Variants in RPP30 observed in about 807,000 individuals in gnomAD.
RPP30 encodes ribonuclease P/MRP subunit p30.
In RPP30, 36 loss-of-function variants were observed where a neutral mutation model predicts 38.6. That is an observed-to-expected ratio of 0.93 (90% CI 0.71 to 1.23). The LOEUF (loss-of-function observed/expected upper bound fraction) is 1.23, where lower values mean the gene tolerates loss of function less well. Among genes scored for constraint, RPP30 ranks in the 50% most tolerant of loss-of-function variants. RPP30 has a pLI of 0.00. For synonymous variants in RPP30, 126 were observed against 112.7 expected (o/e 1.12, Z -0.75); for missense variants, 321 against 321.7 (o/e 1.00, Z 0.02).
At chr10:90,873,942 G>A (rs1343882966) in intron 1 of RPP30, among the ~76,000 whole-genome samples, 2 of 152,102 alleles carry the variant, frequency 1.3e-5, no homozygotes, top group Non-Finnish European at 2.9e-5. Context: ...ACAATGACTT[G>A]CTTAATTGCC....
At chr10:90,875,320 A>G (rs1332219260) in intron 2 of RPP30, among the ~76,000 whole-genome samples, 3 of 152,174 alleles carry the variant, frequency 2.0e-5, no homozygotes, top group African/African-American at 7.2e-5. Context: ...TATCCTGTAG[A>G]TTATTTCAGT....
intron 2 of RPP30, 140 bp downstream of exon 2, chr10:90,875,064 A>C (rs1846833895): frequency 2.0e-6 from 1 of 502,698 alleles, no homozygotes; most frequent in African/African-American, 2.0e-5. Context: ...TTTTATATAG[A>C]AACAGTCGAG....
chr10:90,886,238 G>A (rs934887770), intron 6 of RPP30, among the ~76,000 whole-genome samples: 8 of 151,894 alleles, frequency 5.3e-5, no homozygotes, highest in African/African-American at 1.9e-4. Context: ...AAGAGGAAGG[G>A]AAAAAATAAA....
chr10:90,875,614 G>T lies in RPP30; in HGVS notation c.195G>T (p.Gln65His). 1.9e-6 allele frequency: 3 copies of T among 1,612,114 alleles called. No homozygotes were observed. Among genetic ancestry groups the T allele is most frequent in the Non-Finnish European group, 2.5e-6 (3 of 1,178,382 alleles). ...TCTTCACAACTTTGCCAATTGTACA[G>T]GTAGGTGTTTTGTTGTTTACGAAGC... The part of the protein sequence containing the change: ...SELFTTLPIV[Q>H]GKSRPIKILT... The change falls in exon 3 of 11, where the codon CAG becomes CAT. Residue 65 changes from glutamine (Q) to histidine (H), a missense_variant and splice_region_variant. Transcript: ENST00000371703.
At chr10:90,907,534 ATAGT>A (rs367752216), downstream of RPP30, among the ~76,000 whole-genome samples, 3 of 152,356 alleles carry the variant, frequency 2.0e-5, no homozygotes, top group African/African-American at 4.8e-5. Context: ...ACTCTCCCAG[ATAGT>A]TAGAGGCATA....
intron 5 of RPP30, among the ~76,000 whole-genome samples, chr10:90,879,870 G>A (rs974452582): frequency 1.3e-5 from 2 of 152,156 alleles, no homozygotes; most frequent in African/African-American, 4.8e-5. Flanking sequence ...CTTTTAGAAA[G>A]TTCAAAAGTT....
intron 10 of RPP30, 141 bp downstream of exon 10, chr10:90,896,533 G>A (rs1847141152): frequency 1.6e-6 from 1 of 606,424 alleles, no homozygotes; most frequent in Non-Finnish European, 2.9e-6. Flanking sequence ...ACAGTCATCA[G>A]TGTTTTCTCA....
At position 90,881,002 on chromosome 10, in the gene RPP30, C is replaced by A. The variant is rs559260530; in HGVS notation, c.342+1868C>A. Among the ~76,000 whole-genome samples, 7 of 152,144 alleles carry A rather than the reference C, an allele frequency of 4.6e-5. No homozygotes were observed. The South Asian group carries it at 1.2e-3, about 27-fold the overall frequency. On this transcript the variant is annotated intron_variant, in intron 5 of 10. Coordinates refer to ENST00000371703, the MANE Select transcript of RPP30 (RefSeq NM_006413.5). The stretch of plus-strand genomic sequence containing the variant: ...GGCATTTCCAAGTTTGTTACAAAAC[C>A]AACAGCAACTTAGTTTGCTTATTAA...
chr10:90,902,111 T>C lies in RPP30; in HGVS notation c.*1432T>C. ...TGCGCCCGGCCCGAGAAAATACAGT[T>C]TTAAAAAGAGAAAGCTTTATAACCT... is the stretch of plus-strand genomic sequence containing the variant. On this transcript the variant is annotated 3_prime_UTR_variant, in exon 11 of 11. Coordinates refer to ENST00000371703, the MANE Select transcript of RPP30 (RefSeq NM_006413.5). The C allele has an allele frequency of 1.0e-6, 1 of 990,098 alleles. No individual in the cohort carries two copies. Among genetic ancestry groups the C allele is most frequent in the South Asian group, 4.4e-5 (1 of 22,570 alleles). 61.3% of individuals were successfully genotyped at this position (990,098 alleles called of 1,614,324 possible).
At chr10:90,892,828 A>G (rs749011828) in intron 6 of RPP30, among the ~76,000 whole-genome samples, 1 of 152,216 alleles carries the variant, frequency 6.6e-6, no homozygotes, top group Non-Finnish European at 1.5e-5. Flanking sequence ...GGTTCCTTTG[A>G]TGATGGATCA....
intron 5 of RPP30, among the ~76,000 whole-genome samples, chr10:90,883,289 CA>C (rs35852982): frequency 0.14 from 17,020 of 119,258 alleles, 1,168 homozygotes; most frequent in African/African-American, 0.3. Flanking sequence ...AGTCTCTGGC[CA>C]AAAAAAAAAA....
downstream of RPP30, among the ~76,000 whole-genome samples, chr10:90,907,997 C>T (rs1253465652): frequency 1.3e-5 from 2 of 152,186 alleles, no homozygotes; most frequent in Non-Finnish European, 2.9e-5. Flanking sequence ...CAGCCTATTG[C>T]TCTTAGGCTT....
Position 90,876,041 on chromosome 10 carries a change from T to C in RPP30, c.213T>C (p.Ile71=). The part of the protein sequence containing the change: ...LPIVQGKSRP[I]KILTRLTIIV... ...TTAAATAGGGAAAATCAAGACCAAT[T>C]AAAATTTTAACTAGATTAACAATTA... Residue 71 remains isoleucine, a synonymous_variant, in exon 4 of 11, where the codon ATT becomes ATC. Transcript: ENST00000371703. 6.4e-7 allele frequency: 1 copy of C among 1,559,070 alleles called. No homozygotes were observed. The highest frequency in any genetic ancestry group is 1.1e-5 in the South Asian group (1 of 89,572).
Position 90,872,019 on chromosome 10 carries a change from G to C in RPP30, c.33G>C (p.Ala11=), listed in dbSNP as rs766801000. Residue 11 remains alanine, a synonymous_variant, in exon 1 of 11, where the codon GCG becomes GCC. Transcript: ENST00000371703. The part of the protein sequence containing the change: MAVFADLDLR[A]GSDLKALRGL... ...TGTTTGCAGATTTGGACCTGCGAGC[G>C]GGTTCTGACCTGAAGGCTCTGCGCG... 10 of 1,614,160 alleles carry C rather than the reference G, an allele frequency of 6.2e-6. No individual in the cohort carries two copies. The highest frequency in any genetic ancestry group is 5.1e-6 in the Non-Finnish European group (6 of 1,180,006).
chr10:90,874,839 T>G (rs1209565717), intron 1 of RPP30, 30 bp from the exon 2 acceptor site: 17 of 1,539,912 alleles, frequency 1.1e-5, no homozygotes, highest in Non-Finnish European at 1.5e-5. Flanking sequence ...TTGTTATATT[T>G]AACAAAAGTG....
At chr10:90,895,772 T>C in intron 8 of RPP30, 108 bp from the exon 9 acceptor site, 2 of 801,268 alleles carry the variant, frequency 2.5e-6, no homozygotes, top group South Asian at 3.9e-5. Context: ...CTTAAATTTA[T>C]GTAATTTTTT....
chr10:90,876,042 A>T lies in RPP30; in HGVS notation c.214A>T (p.Lys72Ter), dbSNP rs749975474. ...TAAATAGGGAAAATCAAGACCAATT[A>T]AAATTTTAACTAGATTAACAATTAT... is the stretch of plus-strand genomic sequence containing the variant. ...PIVQGKSRPI[K>*]ILTRLTIIVS... is the part of the protein sequence containing the mutation. Residue 72 changes from lysine to a stop codon, truncating the protein, a stop_gained, in exon 4 of 11, where the codon AAA becomes TAA. Transcript: ENST00000371703. LOFTEE classifies it high-confidence loss of function. 1 of 1,560,844 alleles carries T rather than the reference A, an allele frequency of 6.4e-7. No homozygotes were observed. The highest frequency in any genetic ancestry group is 2.2e-5 in the East Asian group (1 of 44,622).
At position 90,889,796 on chromosome 10, in the gene RPP30, T is replaced by C. The variant is rs937754674; in HGVS notation, c.432+3895T>C. On this transcript the variant is annotated intron_variant, in intron 6 of 10. Coordinates refer to ENST00000371703, the MANE Select transcript of RPP30 (RefSeq NM_006413.5). ...GTGTACTTTGCAGCTCTTTTCCCTT[T>C]TGTCATCTTCACTGTATGCTTAGGG... 5.9e-5 allele frequency among the ~76,000 whole-genome samples: 9 copies of C among 152,152 alleles called. 1 individual carries two copies. Among genetic ancestry groups the C allele is most frequent in the Admixed American group, 3.3e-4 (5 of 15,276 alleles).
chr10:90,900,946 A>G lies in RPP30; in HGVS notation c.*267A>G. Reference sequence around the variant, plus strand: ...CTCCTTTGTGTAAGTGATAAACAACAGCAAATATACTTGAATAAAATGTTT... The same window carrying G: ...CTCCTTTGTGTAAGTGATAAACAACGGCAAATATACTTGAATAAAATGTTT... On this transcript the variant is annotated 3_prime_UTR_variant, in exon 11 of 11. Coordinates refer to ENST00000371703, the MANE Select transcript of RPP30 (RefSeq NM_006413.5). The G allele has an allele frequency of 8.8e-7, 1 of 1,139,258 alleles. No homozygotes were observed. The allele number at this position is 1,139,258 out of a possible 1,614,324, so 70.6% of individuals were successfully genotyped here. A position where few individuals can be genotyped will look rare whatever the true frequency, so the allele number is the denominator to read the frequency against.
Sources: gnomAD v4.1 joint callset for allele counts (sites outside exome capture counted in the v4.1 genomes callset) on GRCh38, gnomAD v4.1.1 for gene constraint, MANE v1.5 for transcripts, NCBI Gene and HGNC (gene_info 2026-07-23, HGNC 2026-07-21) for gene names.